CPA6: variants seen among roughly 807,000 people sequenced by gnomAD.
CPA6 encodes the protein carboxypeptidase A6.
A neutral mutation model predicts 63.3 loss-of-function variants in CPA6; 58 were observed. The observed-to-expected ratio is 0.92, with a 90% CI of 0.74 to 1.14. The LOEUF (loss-of-function observed/expected upper bound fraction) is 1.14, where lower values mean the gene tolerates loss of function less well. Among genes scored for constraint, CPA6 ranks in the 50% most tolerant of loss-of-function variants. The pLI is 0.00. For missense variants in CPA6, 565 were observed against 526.6 expected (o/e 1.07, Z -0.71); for synonymous variants, 185 against 179.0 (o/e 1.03, Z -0.27).
At chr8:67,733,052 C>T (rs1419325029) in intron 1 of CPA6, among the ~76,000 whole-genome samples, 3 of 151,626 alleles carry the variant, frequency 2.0e-5, no homozygotes, top group Admixed American at 1.3e-4. Flanking sequence ...AAAAATTAGC[C>T]AGGTGTGGTG....
chr8:67,586,760 A>C (rs1015069038), intron 2 of CPA6, among the ~76,000 whole-genome samples: 1 of 152,166 alleles, frequency 6.6e-6, no homozygotes, highest in African/African-American at 2.4e-5. Context: ...TCAGGTTGTT[A>C]AGATTAGAAG....
intron 2 of CPA6, among the ~76,000 whole-genome samples, chr8:67,601,200 A>T (rs1423090921): frequency 6.6e-6 from 1 of 152,196 alleles, no homozygotes; most frequent in Non-Finnish European, 1.5e-5. Flanking sequence ...ACATTTAAAC[A>T]TCTCTTAAAA....
At chr8:67,564,169 G>GT (rs898005319) in intron 2 of CPA6, among the ~76,000 whole-genome samples, 2 of 152,144 alleles carry the variant, frequency 1.3e-5, no homozygotes, top group Non-Finnish European at 2.9e-5. Context: ...TTATCATCTT[G>GT]TTGGCAAGAC....
At chr8:67,559,550 T>A (rs1813152071) in intron 2 of CPA6, among the ~76,000 whole-genome samples, 1 of 152,160 alleles carries the variant, frequency 6.6e-6, no homozygotes, top group South Asian at 2.1e-4. Flanking sequence ...TTTTTACCCA[T>A]GTTCTCTCAT....
chr8:67,513,008 CACTT>C (rs765956167), intron 3 of CPA6, among the ~76,000 whole-genome samples: 17 of 152,274 alleles, frequency 1.1e-4, no homozygotes, highest in Non-Finnish European at 1.9e-4. Context: ...ATGGACAAAA[CACTT>C]AATCAGGAAT....
intron 1 of CPA6, among the ~76,000 whole-genome samples, chr8:67,629,025 G>A (rs1290871267): frequency 6.6e-6 from 1 of 152,172 alleles, no homozygotes; most frequent in Non-Finnish European, 1.5e-5. Flanking sequence ...TAAGGCAGGA[G>A]AATCGCTTGA....
In CPA6 at chr8:67,640,800, G is replaced by A. The variant is rs1048777734; in HGVS notation, c.117-16549C>T. On this transcript the variant is annotated intron_variant, in intron 1 of 10. Coordinates refer to ENST00000297770, the MANE Select transcript of CPA6 (RefSeq NM_020361.5). The stretch of plus-strand genomic sequence containing the variant: ...GCAGTCCCAGCCCTACCTCCTGTCT[G>A]CATTTTCCCCAGCAGCAGCAGTGGC... Among the ~76,000 whole-genome samples the A allele has an allele frequency of 1.1e-4, 17 of 151,518 alleles. 1 individual carries two copies. The highest frequency in any genetic ancestry group is 3.9e-4 in the African/African-American group (16 of 40,828).
chr8:67,711,720 C>CACACACACACAT (rs764510531), intron 1 of CPA6, among the ~76,000 whole-genome samples: 5,088 of 151,108 alleles, frequency 0.034, 139 homozygotes, highest in East Asian at 0.075. Context: ...CACACACACA[C>CACACACACACAT]ACATCTGAAA....
intron 1 of CPA6, among the ~76,000 whole-genome samples, chr8:67,651,311 C>G (rs1815830808): frequency 6.6e-6 from 1 of 152,084 alleles, no homozygotes; most frequent in South Asian, 2.1e-4. Context: ...TTCTGGAAGT[C>G]TAGAATAGTG....
chr8:67,491,090 C>T (rs1037147773), intron 6 of CPA6, among the ~76,000 whole-genome samples: 3 of 152,068 alleles, frequency 2.0e-5, no homozygotes, highest in Non-Finnish European at 4.4e-5. Context: ...CCAGCCTCAA[C>T]TGGACGGGAC....
chr8:67,610,374 C>T (rs938233498), intron 2 of CPA6, among the ~76,000 whole-genome samples: 2 of 151,474 alleles, frequency 1.3e-5, no homozygotes, highest in Non-Finnish European at 2.9e-5. Context: ...CTCTTTTTCT[C>T]TTTGAGAAAA....
intron 1 of CPA6, among the ~76,000 whole-genome samples, chr8:67,654,138 A>G (rs1029655001): frequency 3.9e-5 from 6 of 152,160 alleles, no homozygotes; most frequent in East Asian, 3.9e-4. Context: ...GCTGGATTCC[A>G]TTTGCCAGTA....
At chr8:67,558,705 C>T (rs558416976) in intron 2 of CPA6, among the ~76,000 whole-genome samples, 1 of 150,754 alleles carries the variant, frequency 6.6e-6, no homozygotes, top group South Asian at 2.1e-4. Flanking sequence ...ACTGTCAATA[C>T]AAGAGTCTGT....
rs367851504 is a variant in CPA6, at chr8:67,483,855, G to A, written c.751C>T (p.Arg251Ter). 6 of 1,612,662 alleles carry A rather than the reference G, an allele frequency of 3.7e-6. No individual in the cohort carries two copies. The highest frequency in any genetic ancestry group is 5.1e-6 in the Non-Finnish European group (6 of 1,178,860). The change falls in exon 8 of 11, where the codon CGA becomes TGA. Residue 251 changes from arginine (R) to a stop codon, truncating the protein, a stop_gained. Coordinates refer to ENST00000297770, the MANE Select transcript of CPA6 (RefSeq NM_020361.5). LOFTEE classifies it high-confidence loss of function. ...CTTGACCTTGTTTTTCTCCAAAATC[G>A]ATCCTAGACATAATTAAGAAAACAG... ...DGYHFSWTNDRFWRKTRSRNS... is the reference protein window; with the variant it reads ...DGYHFSWTND
intron 2 of CPA6, among the ~76,000 whole-genome samples, chr8:67,592,005 A>G (rs928146078): frequency 3.9e-5 from 6 of 152,144 alleles, no homozygotes; most frequent in Non-Finnish European, 7.3e-5. Context: ...CCCATTCAGT[A>G]TGATATTGGC....
Position 67,484,659 on chromosome 8 carries a change from G to T in CPA6, c.747+20C>A. On this transcript the variant is annotated intron_variant, in intron 7 of 10. Transcript: ENST00000297770. Reference sequence around the variant, plus strand: ...GATTTATTTAGTCCTCTTTTCAACTGGGTAGGCAAAGTGACTTACATTGGT... The same window carrying T: ...GATTTATTTAGTCCTCTTTTCAACTTGGTAGGCAAAGTGACTTACATTGGT... 1 of 1,271,980 alleles carries T rather than the reference G, an allele frequency of 7.9e-7. No individual in the cohort carries two copies. The highest frequency in any genetic ancestry group is 1.1e-6 in the Non-Finnish European group (1 of 873,322). 78.8% of individuals were successfully genotyped at this position (1,271,980 alleles called of 1,614,324 possible). A position where few individuals can be genotyped will look rare whatever the true frequency, so the allele number is the denominator to read the frequency against.
At chr8:67,631,426 T>A (rs1322177432) in intron 1 of CPA6, among the ~76,000 whole-genome samples, 2 of 152,226 alleles carry the variant, frequency 1.3e-5, no homozygotes, top group Non-Finnish European at 2.9e-5. Context: ...GCTCAAGGTT[T>A]GTAAACACAC....
At chr8:67,423,648 G>A (rs964369815) in intron 10 of CPA6, among the ~76,000 whole-genome samples, 2 of 152,196 alleles carry the variant, frequency 1.3e-5, no homozygotes, top group South Asian at 2.1e-4. Flanking sequence ...GAGGGAGCTA[G>A]AGAAAGTCTT....
rs374494352 is a variant in CPA6, at chr8:67,632,345, CT to C, written c.117-8095del. ...ACTACCCTGCCCAGCTAATTAAAAACTTTTTTTTAAAGAAATGGGGTCTTAC... is the reference window on the plus strand; with the variant it reads ...ACTACCCTGCCCAGCTAATTAAAAACTTTTTTTAAAGAAATGGGGTCTTAC... On this transcript the variant is annotated intron_variant, in intron 1 of 10. Coordinates refer to ENST00000297770, the MANE Select transcript of CPA6 (RefSeq NM_020361.5). Among the ~76,000 whole-genome samples the C allele has an allele frequency of 1.8e-3, 270 of 151,696 alleles. 1 individual carries two copies. The highest frequency in any genetic ancestry group is 6.3e-3 in the African/African-American group (258 of 41,280).
Sources: gnomAD v4.1 joint callset for allele counts (sites outside exome capture counted in the v4.1 genomes callset) on GRCh38, gnomAD v4.1.1 for gene constraint, MANE v1.5 for transcripts, NCBI Gene and HGNC (gene_info 2026-07-23, HGNC 2026-07-21) for gene names.